The following ZNF521 variants were observed in gnomAD, a reference collection of about 807,000 sequenced individuals.
ZNF521 encodes LYST-interacting protein 3.
In ZNF521, 14 loss-of-function variants were observed where a neutral mutation model predicts 105.5. The observed-to-expected ratio is 0.13, with a 90% CI of 0.09 to 0.21. The LOEUF (loss-of-function observed/expected upper bound fraction) is 0.21, where lower values mean the gene tolerates loss of function less well. Among genes scored for constraint, ZNF521 ranks in the 10% least tolerant of loss-of-function variants. The pLI, the probability that ZNF521 is intolerant of heterozygous loss-of-function variation, is 1.00. For missense variants in ZNF521, 1,233 were observed against 1,629.7 expected, an observed-to-expected ratio of 0.76 and a Z score of 4.19; for synonymous variants, 635 against 606.0, an observed-to-expected ratio of 1.05 and a Z score of -0.70.
chr18:25,296,673 T>C (rs1185835427), intron 3 of ZNF521, among the ~76,000 whole-genome samples: 5 of 152,154 alleles, frequency 3.3e-5, no homozygotes, highest in Non-Finnish European at 7.4e-5. Flanking sequence ...TGCAAATACC[T>C]TCTCTTCCTC....
intron 3 of ZNF521, among the ~76,000 whole-genome samples, chr18:25,291,223 A>G (rs369765828): frequency 6.6e-6 from 1 of 152,174 alleles, no homozygotes; most frequent in Non-Finnish European, 1.5e-5. Flanking sequence ...GCTGACATCA[A>G]TTTCTCTATT....
chr18:25,294,813 C>CCACTG (rs1406784293), intron 3 of ZNF521, among the ~76,000 whole-genome samples: 2 of 133,422 alleles, frequency 1.5e-5, no homozygotes, highest in Non-Finnish European at 3.1e-5. Flanking sequence ...CAAGATCGTG[C>CCACTG]CACTGCATTC....
chr18:25,075,573 C>A (rs1386100147), intron 7 of ZNF521, among the ~76,000 whole-genome samples: 1 of 152,188 alleles, frequency 6.6e-6, no homozygotes, highest in African/African-American at 2.4e-5. Context: ...GAACGCTATT[C>A]AATGTTCCTT....
rs1302394406 is a variant in ZNF521, at chr18:25,212,552, T to A, written c.3573+11793A>T. On this transcript the variant is annotated intron_variant, in intron 4 of 7. Transcript: ENST00000361524. The stretch of plus-strand genomic sequence containing the variant: ...AAAAAAAAAAAAATATATATATATA[T>A]ATATATATATATATGTATAGAAACA... Among the ~76,000 whole-genome samples the A allele has an allele frequency of 2.3e-3, 255 of 112,560 alleles. 1 individual carries two copies. Among genetic ancestry groups the A allele is most frequent in the African/African-American group, 8.6e-3 (237 of 27,476 alleles). 73.8% of individuals were successfully genotyped at this position (112,560 alleles called of 152,430 possible).
chr18:25,230,695 A>C (rs1381230963), intron 3 of ZNF521, among the ~76,000 whole-genome samples: 1 of 152,076 alleles, frequency 6.6e-6, no homozygotes, highest in Non-Finnish European at 1.5e-5. Context: ...TTTCTGGGTG[A>C]TGGCAAGTTT....
At chr18:25,202,655 A>G (rs1396676268) in intron 4 of ZNF521, 7 of 152,220 alleles carry the variant, frequency 4.6e-5, no homozygotes, top group Admixed American at 1.3e-4. Context: ...ATTAATCGCA[A>G]ATGCAATATA....
intron 5 of ZNF521, among the ~76,000 whole-genome samples, chr18:25,168,103 C>T (rs577010409): frequency 6.6e-6 from 1 of 152,122 alleles, no homozygotes; most frequent in Admixed American, 6.6e-5. Flanking sequence ...TCATGTTAAC[C>T]CAGTGATTTA....
intron 5 of ZNF521, among the ~76,000 whole-genome samples, chr18:25,103,186 C>A (rs914172360): frequency 1.3e-5 from 2 of 152,064 alleles, no homozygotes; most frequent in African/African-American, 2.4e-5. Context: ...CCTAGAGGGG[C>A]TAGGTAAAGC....
chr18:25,164,332 T>C (rs1418792815), intron 5 of ZNF521, among the ~76,000 whole-genome samples: 3 of 151,994 alleles, frequency 2.0e-5, no homozygotes, highest in Non-Finnish European at 4.4e-5. Context: ...CCAACCCCAA[T>C]AGATGAGGTT....
At chr18:25,199,615 T>C (rs1008167744) in intron 4 of ZNF521, among the ~76,000 whole-genome samples, 2 of 152,080 alleles carry the variant, frequency 1.3e-5, no homozygotes, top group Non-Finnish European at 2.9e-5. Flanking sequence ...TATAATCATA[T>C]ATAAGTAAAT....
At chr18:25,170,706 T>G (rs2035434804) in intron 5 of ZNF521, among the ~76,000 whole-genome samples, 1 of 152,158 alleles carries the variant, frequency 6.6e-6, no homozygotes. Flanking sequence ...AATTTAGTGT[T>G]GAAAGATTTT....
At chr18:25,090,677 A>G (rs2033725132) in intron 6 of ZNF521, among the ~76,000 whole-genome samples, 1 of 152,202 alleles carries the variant, frequency 6.6e-6, no homozygotes, top group East Asian at 1.9e-4. Context: ...ATAGATTTGC[A>G]GCTAATCTGC....
Position 25,258,831 on chromosome 18 carries a change from A to G in ZNF521, c.221-31134T>C, listed in dbSNP as rs1209576388. On this transcript the variant is annotated intron_variant, in intron 3 of 7. Transcript: ENST00000361524. ...TTTCCTATGGGCTGCCTCTCCATCT[A>G]CACAACAGGGTAAGTGAAAATGTTC... Among the ~76,000 whole-genome samples, 134 of 152,184 alleles carry G rather than the reference A, an allele frequency of 8.8e-4. 2 individuals carry two copies. The highest frequency in any genetic ancestry group is 1.6e-4 in the Non-Finnish European group (11 of 68,034).
Position 25,125,838 on chromosome 18 carries a change from T to C in ZNF521, c.3659-33757A>G, listed in dbSNP as rs150710304. On this transcript the variant is annotated intron_variant, in intron 5 of 7. Transcript: ENST00000361524. ...CAGTAGTGGCTGGCACTTTAAGTTT[T>C]AATGTGGATATTAGTCCACATTTTG... Among the ~76,000 whole-genome samples, 770 of 152,164 alleles carry C rather than the reference T, an allele frequency of 5.1e-3. 9 individuals carry two copies. The highest frequency in any genetic ancestry group is 0.018 in the African/African-American group (740 of 41,518).
chr18:25,288,277 C>T (rs1204135793), intron 3 of ZNF521, among the ~76,000 whole-genome samples: 1 of 152,160 alleles, frequency 6.6e-6, no homozygotes, highest in Non-Finnish European at 1.5e-5. Flanking sequence ...CCGATGTGAA[C>T]AATACTGAGC....
chr18:25,330,409 C>A (rs1363077442), intron 2 of ZNF521, among the ~76,000 whole-genome samples: 1 of 152,072 alleles, frequency 6.6e-6, no homozygotes, highest in Non-Finnish European at 1.5e-5. Flanking sequence ...CATGATCCAC[C>A]CGCCTCAGCT....
chr18:25,178,134 C>T (rs957691049), intron 5 of ZNF521, among the ~76,000 whole-genome samples: 2 of 152,200 alleles, frequency 1.3e-5, no homozygotes, highest in African/African-American at 4.8e-5. Flanking sequence ...TATAGTATGT[C>T]AATTCCTTTC....
chr18:25,294,506 G>A (rs1016184061), intron 3 of ZNF521, among the ~76,000 whole-genome samples: 5 of 152,212 alleles, frequency 3.3e-5, no homozygotes, highest in African/African-American at 4.8e-5. Context: ...CAAATGTAAC[G>A]AAAATGTACA....
intron 2 of ZNF521, among the ~76,000 whole-genome samples, chr18:25,331,522 G>A (rs958916903): frequency 1.3e-5 from 2 of 152,190 alleles, no homozygotes; most frequent in African/African-American, 4.8e-5. Flanking sequence ...ATAAGTCTAT[G>A]TAGTCTTAGT....
Sources: gnomAD v4.1 joint callset for allele counts (sites outside exome capture counted in the v4.1 genomes callset) on GRCh38, gnomAD v4.1.1 for gene constraint, MANE v1.5 for transcripts, NCBI Gene and HGNC (gene_info 2026-07-23, HGNC 2026-07-21) for gene names.